Variants in EDIL3 observed in about 807,000 individuals in gnomAD.
The protein encoded by EDIL3 is EGF-like repeat and discoidin I-like domain-containing protein 3.
Under a neutral mutation model 67.4 loss-of-function variants are expected in EDIL3, and 37 were observed. The ratio of observed to expected loss-of-function variants is 0.55; its 90% CI spans 0.42 to 0.72. The LOEUF (loss-of-function observed/expected upper bound fraction) is 0.72. Among genes scored for constraint, EDIL3 ranks in the 30% least tolerant of loss-of-function variants. The pLI is 0.00. For missense variants in EDIL3, 527 were observed against 586.3 expected (o/e 0.90, Z 1.04); for synonymous variants, 195 against 196.3 (o/e 0.99, Z 0.05).
At chr5:84,113,551 T>A (rs575264533) in intron 5 of EDIL3, among the ~76,000 whole-genome samples, 59 of 152,302 alleles carry the variant, frequency 3.9e-4, no homozygotes, top group Non-Finnish European at 6.5e-4. Flanking sequence ...GTGAATAAAA[T>A]AGCTTCAAAG....
intron 3 of EDIL3, among the ~76,000 whole-genome samples, chr5:84,197,988 G>A (rs1484913355): frequency 6.6e-6 from 1 of 152,030 alleles, no homozygotes; most frequent in Non-Finnish European, 1.5e-5. Flanking sequence ...TGCCTCAACA[G>A]TGGAAAGGAT....
At chr5:84,109,090 G>C (rs925094152) in intron 5 of EDIL3, among the ~76,000 whole-genome samples, 3 of 152,098 alleles carry the variant, frequency 2.0e-5, no homozygotes, top group African/African-American at 7.2e-5. Flanking sequence ...TTGAACTGTT[G>C]TATTTATCAG....
At chr5:84,125,472 T>C (rs747436758) in intron 5 of EDIL3, among the ~76,000 whole-genome samples, 22 of 152,182 alleles carry the variant, frequency 1.4e-4, no homozygotes, top group Admixed American at 2.6e-4. Context: ...ATGTCAATGA[T>C]AGCGTCATAT....
chr5:83,988,485 C>T (rs539121337), intron 9 of EDIL3, among the ~76,000 whole-genome samples: 1 of 152,148 alleles, frequency 6.6e-6, no homozygotes, highest in Non-Finnish European at 1.5e-5. Context: ...TTGCACAAAG[C>T]TCATCTGTTC....
intron 4 of EDIL3, among the ~76,000 whole-genome samples, chr5:84,176,755 ATG>A (rs3046874): frequency 0.11 from 16,773 of 149,876 alleles, 1,167 homozygotes; most frequent in African/African-American, 0.19. Context: ...GTGTGTATAT[ATG>A]TGTGTGTGTG....
At chr5:84,018,011 AC>A (rs2112188014) in intron 9 of EDIL3, among the ~76,000 whole-genome samples, 1 of 152,226 alleles carries the variant, frequency 6.6e-6, no homozygotes. Context: ...CATGGACATG[AC>A]CTTTCTTTCG....
chr5:84,123,675 C>T (rs1747816704), intron 5 of EDIL3, among the ~76,000 whole-genome samples: 1 of 151,802 alleles, frequency 6.6e-6, no homozygotes. Context: ...TAGGTTTTTA[C>T]TTCTCTCTAG....
At chr5:84,001,733 G>C (rs1745334729) in intron 9 of EDIL3, among the ~76,000 whole-genome samples, 1 of 152,068 alleles carries the variant, frequency 6.6e-6, no homozygotes, top group African/African-American at 2.4e-5. Context: ...ATTGAACCAT[G>C]AAGAAATCCA....
chr5:84,315,578 A>C (rs1344098173), intron 1 of EDIL3, among the ~76,000 whole-genome samples: 1 of 152,168 alleles, frequency 6.6e-6, no homozygotes, highest in Non-Finnish European at 1.5e-5. Context: ...ATTTAATGTA[A>C]TTAATATTTT....
chr5:84,002,878 T>C (rs1745355243), intron 9 of EDIL3, among the ~76,000 whole-genome samples: 1 of 152,164 alleles, frequency 6.6e-6, no homozygotes, highest in Non-Finnish European at 1.5e-5. Flanking sequence ...CTCTTCCCTG[T>C]GAACCCTTCA....
chr5:84,266,095 T>G (rs1580043846), intron 1 of EDIL3, among the ~76,000 whole-genome samples: 1 of 152,324 alleles, frequency 6.6e-6, no homozygotes, highest in African/African-American at 2.4e-5. Context: ...GGGGTTTTGT[T>G]ACCTCTCTGG....
At chr5:84,353,280 C>A (rs1206820896) in intron 1 of EDIL3, among the ~76,000 whole-genome samples, 1 of 152,164 alleles carries the variant, frequency 6.6e-6, no homozygotes, top group African/African-American at 2.4e-5. Flanking sequence ...TATAGACACA[C>A]TTTTGTGTCA....
At position 84,080,115 on chromosome 5, in the gene EDIL3, C is replaced by CAAAAAAAAAAAA. The variant is rs10566347; in HGVS notation, c.652-13521_652-13510dup. On this transcript the variant is annotated intron_variant, in intron 6 of 10. Coordinates refer to ENST00000296591, the MANE Select transcript of EDIL3 (RefSeq NM_005711.5). ...TGAAACCCCGTCTCTACTAAAAATA[C>CAAAAAAAAAAAA]AAAAAAAAAAAAAAAAAAAAAAAAA... Among the ~76,000 whole-genome samples the CAAAAAAAAAAAA allele has an allele frequency of 1.6e-3, 84 of 52,970 alleles. 1 individual carries two copies. The highest frequency in any genetic ancestry group is 2.2e-3 in the South Asian group (2 of 904). The allele number at this position is 52,970 out of a possible 152,430, so 34.8% of individuals were successfully genotyped here.
chr5:84,070,070 GAGCAGCCCAACTCC>G (rs747174303), intron 6 of EDIL3, among the ~76,000 whole-genome samples: 3 of 151,988 alleles, frequency 2.0e-5, no homozygotes, highest in Non-Finnish European at 4.4e-5. Context: ...TCCTGCCGCT[GAGCAGCCCAACTCC>G]AGAGGAAGAC....
intron 5 of EDIL3, among the ~76,000 whole-genome samples, chr5:84,108,748 T>C (rs1185946456): frequency 6.6e-6 from 1 of 152,198 alleles, no homozygotes; most frequent in Non-Finnish European, 1.5e-5. Flanking sequence ...GTCTCAAGCA[T>C]CTTGTCCTTA....
At chr5:84,289,388 T>TA (rs1266944756) in intron 1 of EDIL3, among the ~76,000 whole-genome samples, 4 of 152,304 alleles carry the variant, frequency 2.6e-5, no homozygotes, top group Non-Finnish European at 5.9e-5. Context: ...TCCCAGAACT[T>TA]ACTATTTCCC....
At chr5:84,223,680 A>C (rs935062660) in intron 3 of EDIL3, among the ~76,000 whole-genome samples, 5 of 151,494 alleles carry the variant, frequency 3.3e-5, no homozygotes, top group Non-Finnish European at 7.4e-5. Flanking sequence ...AGGATGAATA[A>C]GCCTGGAGAT....
chr5:84,042,571 T>C (rs1746150453), intron 9 of EDIL3, among the ~76,000 whole-genome samples: 1 of 152,204 alleles, frequency 6.6e-6, no homozygotes, highest in Non-Finnish European at 1.5e-5. Context: ...CATGAGCCAC[T>C]GCTCCTGGCC....
intron 2 of EDIL3, among the ~76,000 whole-genome samples, chr5:84,230,396 C>G (rs2112043617): frequency 6.6e-6 from 1 of 151,322 alleles, no homozygotes; most frequent in Non-Finnish European, 1.5e-5. Context: ...GACTCAAAAT[C>G]ACTTTGGACT....
Sources: gnomAD v4.1 joint callset for allele counts (sites outside exome capture counted in the v4.1 genomes callset) on GRCh38, gnomAD v4.1.1 for gene constraint, MANE v1.5 for transcripts, NCBI Gene and HGNC (gene_info 2026-07-23, HGNC 2026-07-21) for gene names.